PARN: variants seen among roughly 807,000 people sequenced by gnomAD.
PARN encodes poly(A)-specific ribonuclease.
A neutral mutation model predicts 102.8 loss-of-function variants in PARN; 71 were observed. The ratio of observed to expected loss-of-function variants is 0.69; its 90% CI spans 0.57 to 0.84. The LOEUF (loss-of-function observed/expected upper bound fraction) is 0.84, where lower values mean the gene tolerates loss of function less well. PARN is among the 40% of genes least tolerant of loss of function. The pLI, the probability that PARN is intolerant of heterozygous loss-of-function variation, is 0.00. For synonymous variants in PARN, 261 were observed against 252.9 expected, an observed-to-expected ratio of 1.03 and a Z score of -0.30; for missense variants, 782 against 760.9, an observed-to-expected ratio of 1.03 and a Z score of -0.33.
At chr16:14,537,771 C>G (rs1219722912) in intron 21 of PARN, among the ~76,000 whole-genome samples, 1 of 151,684 alleles carries the variant, frequency 6.6e-6, no homozygotes, top group Non-Finnish European at 1.5e-5. Flanking sequence ...ATTAAAGGCG[C>G]GGAAGGGTAG....
intron 20 of PARN, among the ~76,000 whole-genome samples, chr16:14,553,705 A>G (rs1261850212): frequency 6.6e-6 from 1 of 152,256 alleles, no homozygotes; most frequent in Non-Finnish European, 1.5e-5. Context: ...TGATTAATCT[A>G]AAGCAGAGAA....
chr16:14,598,043 C>G (rs1886168204), intron 12 of PARN, among the ~76,000 whole-genome samples: 1 of 152,082 alleles, frequency 6.6e-6, no homozygotes, highest in South Asian at 2.1e-4. Flanking sequence ...ACTTGGGAGG[C>G]TGAGGCAGGA....
At chr16:14,561,817 TAAAC>T (rs1282943296) in intron 18 of PARN, among the ~76,000 whole-genome samples, 19 of 152,058 alleles carry the variant, frequency 1.2e-4, no homozygotes, top group Non-Finnish European at 2.8e-4. Context: ...ACACAATAAA[TAAAC>T]AATTAAATGA....
chr16:14,618,688 G>A (rs557000961), intron 5 of PARN, among the ~76,000 whole-genome samples: 8 of 151,520 alleles, frequency 5.3e-5, no homozygotes, highest in South Asian at 2.1e-4. Context: ...TCCACTGGGC[G>A]AACGGATTAT....
chr16:14,555,758 C>G, intron 18 of PARN, 49 bp from the exon 19 acceptor site: 1 of 957,644 alleles, frequency 1.0e-6, no homozygotes, highest in Non-Finnish European at 1.5e-6. Context: ...CTTTAAAAGA[C>G]AGGCATTTTG....
At chr16:14,574,135 T>C (rs1273414692) in intron 18 of PARN, among the ~76,000 whole-genome samples, 1 of 152,130 alleles carries the variant, frequency 6.6e-6, no homozygotes, top group Non-Finnish European at 1.5e-5. Context: ...ATATGGATAA[T>C]GAAATCAAGG....
At chr16:14,555,344 T>C (rs544391911) in intron 19 of PARN, among the ~76,000 whole-genome samples, 1 of 152,290 alleles carries the variant, frequency 6.6e-6, no homozygotes, top group Admixed American at 6.5e-5. Flanking sequence ...ACAGCTAGCA[T>C]ATCTTAAAAA....
intron 23 of PARN, among the ~76,000 whole-genome samples, chr16:14,442,642 G>T (rs1398320518): frequency 1.3e-5 from 2 of 151,330 alleles, no homozygotes. Context: ...CGGAGTCTTG[G>T]AGTCTTGCTC....
intron 18 of PARN, among the ~76,000 whole-genome samples, chr16:14,561,051 G>A (rs1037249819): frequency 1.3e-5 from 2 of 151,822 alleles, no homozygotes; most frequent in African/African-American, 4.8e-5. Flanking sequence ...CAGCTACTTA[G>A]GAGGCTGAGG....
intron 21 of PARN, among the ~76,000 whole-genome samples, chr16:14,523,717 G>A (rs1032171575): frequency 6.6e-6 from 1 of 152,154 alleles, no homozygotes; most frequent in Non-Finnish European, 1.5e-5. Context: ...AACAAAACCT[G>A]CCTGCCTCTT....
intron 21 of PARN, among the ~76,000 whole-genome samples, chr16:14,492,629 G>A (rs1369020835): frequency 6.6e-6 from 1 of 152,158 alleles, no homozygotes; most frequent in Non-Finnish European, 1.5e-5. Flanking sequence ...ATTAAATATG[G>A]ACAGGCATGC....
intron 6 of PARN, among the ~76,000 whole-genome samples, chr16:14,617,076 TAA>T (rs869261969): frequency 1.6e-4 from 22 of 140,728 alleles, no homozygotes; most frequent in Non-Finnish European, 9.2e-5. Flanking sequence ...TGTTTTTTTT[TAA>T]AAAAAAAAAA....
chr16:14,465,421 G>A (rs955849422), intron 22 of PARN, among the ~76,000 whole-genome samples: 6 of 152,038 alleles, frequency 3.9e-5, no homozygotes, highest in Admixed American at 1.3e-4. Context: ...GAAAATCACC[G>A]ACTAAATAAG....
At chr16:14,474,103 C>A (rs1313855528) in intron 22 of PARN, among the ~76,000 whole-genome samples, 1 of 152,160 alleles carries the variant, frequency 6.6e-6, no homozygotes, top group African/African-American at 2.4e-5. Flanking sequence ...AGCCATTGTA[C>A]CACCTCAACC....
At chr16:14,580,587 C>T (rs542696766) in intron 18 of PARN, among the ~76,000 whole-genome samples, 1 of 152,054 alleles carries the variant, frequency 6.6e-6, no homozygotes, top group South Asian at 2.1e-4. Flanking sequence ...ACACCCGGCC[C>T]CTCATAGGAA....
intron 18 of PARN, among the ~76,000 whole-genome samples, chr16:14,568,602 A>T (rs1270287321): frequency 6.6e-6 from 1 of 151,874 alleles, no homozygotes; most frequent in African/African-American, 2.4e-5. Flanking sequence ...TCTCAAAAAA[A>T]ATAATTTAAA....
intron 21 of PARN, among the ~76,000 whole-genome samples, chr16:14,496,452 T>C (rs1324536834): frequency 1.3e-5 from 2 of 152,180 alleles, no homozygotes; most frequent in African/African-American, 4.8e-5. Flanking sequence ...AAACCCTTCT[T>C]TTTTTAAAAG....
At chr16:14,600,083 G>A (rs140055563) in intron 11 of PARN, 123 bp from the exon 12 acceptor site, 169 of 540,444 alleles carry the variant, frequency 3.1e-4, no homozygotes, top group African/African-American at 2.8e-3. Flanking sequence ...TTAGTTTCCT[G>A]TGCTTTGCGC....
intron 18 of PARN, chr16:14,564,982 C>T (rs1968344867): frequency 1.3e-5 from 2 of 152,184 alleles, no homozygotes; most frequent in South Asian, 4.1e-4. Flanking sequence ...CACCCCAAGT[C>T]CCAAGCCTTC....
Sources: allele counts gnomAD v4.1 joint callset (sites outside exome capture counted in the v4.1 genomes callset), GRCh38; gene constraint gnomAD v4.1.1; transcripts MANE v1.5; gene names NCBI Gene and HGNC (gene_info 2026-07-23, HGNC 2026-07-21).